The following PCSK5 variants were observed in gnomAD, a reference collection of about 807,000 sequenced individuals.
PCSK5 encodes the protein prohormone convertase 5.
Under a neutral mutation model 233.2 loss-of-function variants are expected in PCSK5, and 129 were observed. That is an observed-to-expected ratio of 0.55 (90% CI 0.48 to 0.64). PCSK5 has a LOEUF of 0.64. Ranked by LOEUF, PCSK5 falls within the 30% of genes least tolerant of loss-of-function variation. PCSK5 has a pLI of 0.00. For missense variants in PCSK5, 2,076 were observed against 2,430.1 expected, an observed-to-expected ratio of 0.85 and a Z score of 3.06; for synonymous variants, 825 against 879.2, an observed-to-expected ratio of 0.94 and a Z score of 1.09.
At chr9:76,150,987 T>C (rs892083607) in intron 10 of PCSK5, among the ~76,000 whole-genome samples, 1 of 151,180 alleles carries the variant, frequency 6.6e-6, no homozygotes, top group African/African-American at 2.4e-5. Context: ...TGTTTTCATA[T>C]TTAGCTGTTT....
At chr9:76,267,198 C>A (rs993282604) in intron 24 of PCSK5, among the ~76,000 whole-genome samples, 1 of 152,142 alleles carries the variant, frequency 6.6e-6, no homozygotes, top group Admixed American at 6.5e-5. Flanking sequence ...TCAGTAAACC[C>A]TGCAAACTGG....
intron 9 of PCSK5, among the ~76,000 whole-genome samples, chr9:76,115,732 C>T (rs745439781): frequency 2.0e-5 from 3 of 152,100 alleles, no homozygotes; most frequent in Non-Finnish European, 4.4e-5. Context: ...TTAAAAGACT[C>T]ATTGCATAAT....
intron 1 of PCSK5, among the ~76,000 whole-genome samples, chr9:75,897,775 A>C (rs1375773577): frequency 6.6e-6 from 1 of 152,112 alleles, no homozygotes; most frequent in African/African-American, 2.4e-5. Flanking sequence ...GGTGTGAGCC[A>C]CTGGGACGAG....
rs558496828 is a variant in PCSK5, at chr9:76,360,423, C to T, written c.*1501C>T. ...AGAAAAAAGAATGATCACCCTAAAG[C>T]GTGTGTTCTTATAACTATGCTACTG... On this transcript the variant is annotated 3_prime_UTR_variant, in exon 38 of 38. Coordinates refer to ENST00000674117, the MANE Select transcript of PCSK5 (RefSeq NM_001372043.1). 100 of 152,234 alleles carry T rather than the reference C, an allele frequency of 6.6e-4. No homozygotes were observed. Among genetic ancestry groups the T allele is most frequent in the Admixed American group, 6.4e-3 (97 of 15,274 alleles). 9.4% of individuals were successfully genotyped at this position (152,234 alleles called of 1,614,324 possible). A position where few individuals can be genotyped will look rare whatever the true frequency, so the allele number is the denominator to read the frequency against.
At chr9:76,283,057 A>C (rs184995432) in intron 24 of PCSK5, among the ~76,000 whole-genome samples, 17 of 152,322 alleles carry the variant, frequency 1.1e-4, no homozygotes, top group Admixed American at 3.3e-4. Flanking sequence ...ACAGACAAGA[A>C]ATTGGTTCTT....
rs769546011 is a variant in PCSK5 at position 76,338,324 on chromosome 9, G to A, written c.4843G>A (p.Asp1615Asn). 1.7e-5 allele frequency: 27 copies of A among 1,612,516 alleles called. No homozygotes were observed. The highest frequency in any genetic ancestry group is 5.3e-5 in the African/African-American group (4 of 75,032). ...GPRPTDCLSC[D>N]RFFFLLRSKG... is the part of the protein sequence containing the mutation. Reference sequence around the variant, plus strand: ...ACGGCCCACAGACTGCCTGTCTTGCGATAGATTTTTCTTTCTGCTCCGCTC... The same window carrying A: ...ACGGCCCACAGACTGCCTGTCTTGCAATAGATTTTTCTTTCTGCTCCGCTC... The change falls in exon 35 of 38, where the codon GAT (aspartate) becomes AAT (asparagine). Residue 1615 changes from aspartate (D) to asparagine (N), a missense_variant. Transcript: ENST00000674117.
chr9:76,277,025 C>T (rs1827714420), intron 24 of PCSK5, among the ~76,000 whole-genome samples: 1 of 152,006 alleles, frequency 6.6e-6, no homozygotes, highest in South Asian at 2.1e-4. Context: ...GTCAAGAGTT[C>T]GAGACCAACC....
chr9:76,246,341 C>CAAAAAA (rs59806704), intron 24 of PCSK5, among the ~76,000 whole-genome samples: 1 of 52,622 alleles, frequency 1.9e-5, no homozygotes, highest in Non-Finnish European at 4.0e-5. Context: ...GATTCCATCT[C>CAAAAAA]AAAAAAAAAA....
At chr9:76,348,184 G>T (rs1017404407) in intron 35 of PCSK5, among the ~76,000 whole-genome samples, 1 of 152,078 alleles carries the variant, frequency 6.6e-6, no homozygotes, top group Non-Finnish European at 1.5e-5. Context: ...TAAGACAGGT[G>T]GATCACTTGA....
chr9:76,107,396 T>G, intron 9 of PCSK5, 45 bp downstream of exon 9: 5 of 1,308,468 alleles, frequency 3.8e-6, no homozygotes, highest in Non-Finnish European at 4.4e-6. Flanking sequence ...CAACCCCTGA[T>G]CTCAGGGAAA....
At chr9:75,898,775 A>G (rs1482617834) in intron 1 of PCSK5, among the ~76,000 whole-genome samples, 1 of 152,120 alleles carries the variant, frequency 6.6e-6, no homozygotes, top group African/African-American at 2.4e-5. Flanking sequence ...TATATTGAGG[A>G]TCTCTGAGAA....
intron 20 of PCSK5, among the ~76,000 whole-genome samples, chr9:76,219,766 C>T (rs576294180): frequency 3.2e-4 from 49 of 152,312 alleles, no homozygotes; most frequent in Non-Finnish European, 6.9e-4. Flanking sequence ...GCCCTCAGCC[C>T]TTTCAAGTCA....
At chr9:76,081,157 T>C (rs1830819391) in intron 7 of PCSK5, among the ~76,000 whole-genome samples, 1 of 152,084 alleles carries the variant, frequency 6.6e-6, no homozygotes, top group Non-Finnish European at 1.5e-5. Context: ...TTTTGAAGAT[T>C]TAAAAGCATA....
chr9:76,095,356 C>T (rs1016379850), intron 7 of PCSK5, among the ~76,000 whole-genome samples: 1 of 152,156 alleles, frequency 6.6e-6, no homozygotes, highest in African/African-American at 2.4e-5. Context: ...TGCATAATAG[C>T]ACCCAATTCA....
intron 5 of PCSK5, among the ~76,000 whole-genome samples, chr9:76,053,434 G>A (rs1185611315): frequency 1.3e-5 from 2 of 152,182 alleles, no homozygotes; most frequent in Non-Finnish European, 2.9e-5. Flanking sequence ...CCCCGAAAAT[G>A]GGTTCTTCTT....
intron 3 of PCSK5, among the ~76,000 whole-genome samples, chr9:75,996,354 C>T (rs1406822401): frequency 2.0e-5 from 3 of 152,142 alleles, no homozygotes; most frequent in South Asian, 4.1e-4. Flanking sequence ...ATGTTGCCTT[C>T]TTTAATGAAG....
chr9:76,255,544 G>A (rs758908266), intron 24 of PCSK5, among the ~76,000 whole-genome samples: 55 of 152,184 alleles, frequency 3.6e-4, no homozygotes, highest in Non-Finnish European at 6.3e-4. Context: ...TGATAGGCTA[G>A]GCTCAGTGGC....
intron 24 of PCSK5, among the ~76,000 whole-genome samples, chr9:76,278,317 C>T (rs994058723): frequency 4.6e-5 from 7 of 152,074 alleles, no homozygotes; most frequent in African/African-American, 1.7e-4. Context: ...CCACACCCCA[C>T]GGAAGAACAT....
chr9:76,105,468 T>C (rs1277558955), intron 8 of PCSK5, among the ~76,000 whole-genome samples: 4 of 152,220 alleles, frequency 2.6e-5, no homozygotes, highest in Non-Finnish European at 5.9e-5. Context: ...CTTGTACATA[T>C]ATGGTTAGCA....
Sources: gnomAD v4.1 joint callset for allele counts (sites outside exome capture counted in the v4.1 genomes callset) on GRCh38, gnomAD v4.1.1 for gene constraint, MANE v1.5 for transcripts, NCBI Gene and HGNC (gene_info 2026-07-23, HGNC 2026-07-21) for gene names.